The following GPC5 variants were observed in gnomAD, a reference collection of about 807,000 sequenced individuals.
GPC5 encodes glypican-5.
Under a neutral mutation model 53.9 loss-of-function variants are expected in GPC5, and 47 were observed. The observed-to-expected ratio is 0.87, with a 90% CI of 0.69 to 1.11. GPC5 has a LOEUF of 1.11. GPC5 is among the 50% of genes most tolerant of loss of function. The pLI, the probability that GPC5 is intolerant of heterozygous loss-of-function variation, is 0.00. For missense variants in GPC5, 748 were observed against 713.1 expected (o/e 1.05, Z -0.56); for synonymous variants, 286 against 263.3 (o/e 1.09, Z -0.84).
At chr13:92,472,331 T>G (rs1225830521) in intron 7 of GPC5, among the ~76,000 whole-genome samples, 1 of 152,112 alleles carries the variant, frequency 6.6e-6, no homozygotes, top group Non-Finnish European at 1.5e-5. Flanking sequence ...TAAGATACAA[T>G]GTTGAGCAAA....
chr13:91,442,037 A>G (rs1880472534), intron 1 of GPC5, among the ~76,000 whole-genome samples: 1 of 152,246 alleles, frequency 6.6e-6, no homozygotes, highest in Non-Finnish European at 1.5e-5. Flanking sequence ...TAAATGTTGA[A>G]ATAAATGGAG....
intron 7 of GPC5, among the ~76,000 whole-genome samples, chr13:92,513,692 T>TG (rs1323869210): frequency 6.6e-6 from 1 of 152,094 alleles, no homozygotes; most frequent in Non-Finnish European, 1.5e-5. Flanking sequence ...TTCAGGTTTT[T>TG]GGGGGGTTTG....
intron 6 of GPC5, among the ~76,000 whole-genome samples, chr13:92,065,658 T>C (rs2041161957): frequency 1.3e-5 from 2 of 152,188 alleles, no homozygotes; most frequent in Admixed American, 1.3e-4. Flanking sequence ...CAATGCCCTT[T>C]ATTAATAAGT....
At chr13:92,112,128 C>T (rs190996536) in intron 6 of GPC5, among the ~76,000 whole-genome samples, 11 of 152,142 alleles carry the variant, frequency 7.2e-5, no homozygotes, top group Non-Finnish European at 1.3e-4. Flanking sequence ...TGGAAGGTAA[C>T]AATTTTGTTG....
intron 7 of GPC5, among the ~76,000 whole-genome samples, chr13:92,252,340 A>T (rs565843338): frequency 6.6e-6 from 1 of 152,316 alleles, no homozygotes; most frequent in South Asian, 2.1e-4. Flanking sequence ...ATTTACTAAC[A>T]GAAAGTAATA....
intron 7 of GPC5, among the ~76,000 whole-genome samples, chr13:92,217,610 G>A (rs527795199): frequency 1.6e-4 from 25 of 152,218 alleles, no homozygotes; most frequent in Non-Finnish European, 3.2e-4. Context: ...CCGTGTCTCC[G>A]CCACCAAGTG....
intron 7 of GPC5, among the ~76,000 whole-genome samples, chr13:92,675,367 A>G (rs1177744954): frequency 6.6e-6 from 1 of 152,106 alleles, no homozygotes; most frequent in African/African-American, 2.4e-5. Flanking sequence ...CTAGTATACC[A>G]TTGCTCATTG....
chr13:91,798,891 T>G (rs1422380774), intron 5 of GPC5, among the ~76,000 whole-genome samples: 3 of 152,216 alleles, frequency 2.0e-5, no homozygotes, highest in African/African-American at 7.2e-5. Context: ...GTTTCTGGAT[T>G]TTTTAATAAT....
chr13:91,664,936 C>T (rs1456185123), intron 2 of GPC5, among the ~76,000 whole-genome samples: 10 of 152,160 alleles, frequency 6.6e-5, no homozygotes, highest in African/African-American at 1.9e-4. Flanking sequence ...ACTTCATTCT[C>T]ATATTATGCA....
rs1474183349 is a variant in GPC5 at position 92,058,606 on chromosome 13, G to A, written c.1402-86224G>A. Among the ~76,000 whole-genome samples, 7 of 152,056 alleles carry A rather than the reference G, an allele frequency of 4.6e-5. 1 individual carries two copies. The South Asian group carries it at 6.2e-4, about 13-fold the overall frequency. The stretch of plus-strand genomic sequence containing the variant: ...TTTTTGAGATGGAGTGTGGTGGTGC[G>A]ATCTTAGCTCACTGCAACCACCACC... On this transcript the variant is annotated intron_variant, in intron 6 of 7. Coordinates refer to ENST00000377067, the MANE Select transcript of GPC5 (RefSeq NM_004466.6).
At chr13:91,654,941 A>G (rs2034810086) in intron 2 of GPC5, among the ~76,000 whole-genome samples, 1 of 152,168 alleles carries the variant, frequency 6.6e-6, no homozygotes, top group African/African-American at 2.4e-5. Context: ...ACAGTATTGC[A>G]ATAATTTTCT....
intron 7 of GPC5, among the ~76,000 whole-genome samples, chr13:92,467,566 G>T (rs1177119053): frequency 1.3e-5 from 2 of 152,020 alleles, no homozygotes; most frequent in African/African-American, 4.8e-5. Flanking sequence ...TACACACAAA[G>T]AAATATATGA....
At chr13:92,752,278 A>G (rs1254788973) in intron 7 of GPC5, among the ~76,000 whole-genome samples, 2 of 152,160 alleles carry the variant, frequency 1.3e-5, no homozygotes, top group African/African-American at 2.4e-5. Context: ...GTGACAATCC[A>G]AAGTATCTCC....
At chr13:92,346,200 G>C (rs770623805) in intron 7 of GPC5, among the ~76,000 whole-genome samples, 23 of 152,100 alleles carry the variant, frequency 1.5e-4, no homozygotes, top group Admixed American at 2.6e-4. Flanking sequence ...CCTCAGTCAT[G>C]TATTTCCAAG....
intron 7 of GPC5, among the ~76,000 whole-genome samples, chr13:92,553,270 C>T (rs1244908516): frequency 6.6e-6 from 1 of 151,986 alleles, no homozygotes; most frequent in Non-Finnish European, 1.5e-5. Flanking sequence ...AGCCCATTAT[C>T]AAACCTGCTA....
chr13:91,750,602 T>C (rs2037150669), intron 4 of GPC5, among the ~76,000 whole-genome samples: 1 of 151,954 alleles, frequency 6.6e-6, no homozygotes, highest in Non-Finnish European at 1.5e-5. Context: ...GCTTGAGCAT[T>C]GAGCTGGCAA....
At chr13:92,368,973 A>G (rs914090909) in intron 7 of GPC5, among the ~76,000 whole-genome samples, 1 of 152,080 alleles carries the variant, frequency 6.6e-6, no homozygotes, top group Non-Finnish European at 1.5e-5. Context: ...AGTCTATTGC[A>G]TTTTCTCTCC....
intron 5 of GPC5, among the ~76,000 whole-genome samples, chr13:91,881,038 G>T (rs1353554323): frequency 6.6e-6 from 1 of 152,050 alleles, no homozygotes; most frequent in Non-Finnish European, 1.5e-5. Flanking sequence ...TGATCTGCCC[G>T]CTTCGGCCTC....
At chr13:92,298,860 G>A (rs138666194) in intron 7 of GPC5, among the ~76,000 whole-genome samples, 1,775 of 152,218 alleles carry the variant, frequency 0.012, 14 homozygotes, top group Middle Eastern at 0.031. Context: ...CATGATCTGC[G>A]GATGAGATCA....
Sources: allele counts gnomAD v4.1 joint callset (sites outside exome capture counted in the v4.1 genomes callset), GRCh38; gene constraint gnomAD v4.1.1; transcripts MANE v1.5; gene names NCBI Gene and HGNC (gene_info 2026-07-23, HGNC 2026-07-21).